The following RAB7A variants were observed in gnomAD, a reference collection of about 807,000 sequenced individuals.
RAB7A encodes RAB7A, member RAS oncogene family.
A neutral mutation model predicts 24.5 loss-of-function variants in RAB7A; 2 were observed. The observed-to-expected ratio is 0.08, with a 90% CI of 0.03 to 0.26. The LOEUF is 0.26. Among genes scored for constraint, RAB7A ranks in the 10% least tolerant of loss-of-function variants. The pLI, the probability that RAB7A is intolerant of heterozygous loss-of-function variation, is 1.00. For missense variants in RAB7A, 118 were observed against 255.7 expected (o/e 0.46, Z 3.67); for synonymous variants, 100 against 95.9 (o/e 1.04, Z -0.25).
At chr3:128,771,142 G>C (rs2107600787) in intron 1 of RAB7A, among the ~76,000 whole-genome samples, 1 of 152,166 alleles carries the variant, frequency 6.6e-6, no homozygotes, top group East Asian at 1.9e-4. Context: ...GCTAATTTTT[G>C]TATTTCTGGT....
At position 128,813,347 on chromosome 3, in the gene RAB7A, CA is replaced by C. The variant is rs1933967034; in HGVS notation, c.551del (p.Asn184ThrfsTer152). The C allele has an allele frequency of 6.2e-7, 1 of 1,614,068 alleles. No homozygotes were observed. Among genetic ancestry groups the C allele is most frequent in the African/African-American group, 1.3e-5 (1 of 74,938 alleles). On this transcript the variant is annotated frameshift_variant, in exon 6 of 6. Coordinates refer to ENST00000265062, the MANE Select transcript of RAB7A (RefSeq NM_004637.6). LOFTEE classifies it high-confidence loss of function. ...LKQETEVELYNEFPEPIKLDK... is the reference protein window; with the variant it reads ...LKQETEVELYXEFPEPIKLDK... ...TCCAGGAAACGGAGGTGGAGCTGTACAACGAATTTCCTGAACCTATCAAACT... is the reference window on the plus strand; with the variant it reads ...TCCAGGAAACGGAGGTGGAGCTGTACACGAATTTCCTGAACCTATCAAACT...
At chr3:128,805,646 T>G (rs976026124) in intron 3 of RAB7A, among the ~76,000 whole-genome samples, 4 of 152,246 alleles carry the variant, frequency 2.6e-5, no homozygotes, top group Non-Finnish European at 5.9e-5. Flanking sequence ...TTTTGTTGTT[T>G]AGGCAAACTT....
chr3:128,766,268 A>C (rs1487145245), intron 1 of RAB7A, among the ~76,000 whole-genome samples: 1 of 152,220 alleles, frequency 6.6e-6, no homozygotes. Context: ...GCAAAATTGC[A>C]TCTCTCCAGA....
chr3:128,733,480 G>C (rs1330691675), intron 1 of RAB7A, among the ~76,000 whole-genome samples: 1 of 152,198 alleles, frequency 6.6e-6, no homozygotes, highest in African/African-American at 2.4e-5. Context: ...TGCTAGGGCT[G>C]CCGTAACAAG....
intron 1 of RAB7A, among the ~76,000 whole-genome samples, chr3:128,774,005 T>C (rs1933019058): frequency 6.6e-6 from 1 of 150,806 alleles, no homozygotes; most frequent in Admixed American, 6.6e-5. Context: ...GTTTATGTGC[T>C]GACCTTCCCT....
intron 1 of RAB7A, among the ~76,000 whole-genome samples, chr3:128,728,491 T>G (rs776038530): frequency 1.3e-5 from 2 of 152,186 alleles, no homozygotes; most frequent in Non-Finnish European, 2.9e-5. Context: ...AGACGGAGTT[T>G]CCCTCTTGTT....
chr3:128,798,821 T>TAAAAAAAAAAA, intron 3 of RAB7A: 1 of 147,110 alleles, frequency 6.8e-6, no homozygotes, highest in Non-Finnish European at 1.2e-5. Flanking sequence ...TCTCTAAATT[T>TAAAAAAAAAAA]AAAAAAAAAA....
chr3:128,771,717 T>C (rs551795860), intron 1 of RAB7A, among the ~76,000 whole-genome samples: 1 of 152,358 alleles, frequency 6.6e-6, no homozygotes, highest in African/African-American at 2.4e-5. Context: ...TTTTTGCAAT[T>C]ACTTTTAAAG....
chr3:128,794,373 GA>G (rs1221032118), intron 1 of RAB7A, among the ~76,000 whole-genome samples: 4 of 152,202 alleles, frequency 2.6e-5, no homozygotes, highest in Non-Finnish European at 5.9e-5. Flanking sequence ...TTCCAACAGA[GA>G]AATTAAATGA....
intron 2 of RAB7A, among the ~76,000 whole-genome samples, chr3:128,797,515 C>G (rs920899987): frequency 6.6e-6 from 1 of 152,212 alleles, no homozygotes; most frequent in African/African-American, 2.4e-5. Context: ...CAAGGTCTTC[C>G]TCCTGGTGTT....
chr3:128,782,618 G>C (rs1256051315), intron 1 of RAB7A, among the ~76,000 whole-genome samples: 1 of 141,206 alleles, frequency 7.1e-6, no homozygotes, highest in African/African-American at 2.7e-5. Context: ...GTTGTCCATA[G>C]TAGGCTCTAG....
intron 1 of RAB7A, among the ~76,000 whole-genome samples, chr3:128,756,398 G>C (rs746961664): frequency 7.9e-5 from 12 of 151,808 alleles, no homozygotes; most frequent in Non-Finnish European, 1.6e-4. Flanking sequence ...ATCTGAAAAG[G>C]AAATTAAGAA....
chr3:128,759,114 A>G (rs2070756229), intron 1 of RAB7A, among the ~76,000 whole-genome samples: 1 of 152,230 alleles, frequency 6.6e-6, no homozygotes. Flanking sequence ...ATGTGCCATA[A>G]GCTGATAGGT....
At chr3:128,769,481 G>T (rs1227418917) in intron 1 of RAB7A, among the ~76,000 whole-genome samples, 1 of 151,988 alleles carries the variant, frequency 6.6e-6, no homozygotes, top group African/African-American at 2.4e-5. Context: ...TTATTGGGTT[G>T]GTTTTTTTCT....
At chr3:128,745,531 A>T (rs192566203) in intron 1 of RAB7A, among the ~76,000 whole-genome samples, 3 of 151,930 alleles carry the variant, frequency 2.0e-5, no homozygotes, top group Non-Finnish European at 4.4e-5. Flanking sequence ...ATGCCCAACT[A>T]ATTTTTGTAT....
In RAB7A at chr3:128,737,827, T is replaced by A. The variant is rs1361777244; in HGVS notation, c.-9+11468T>A. ...CCACATCTGGCTATTTTTTTGTAGT[T>A]TTTTTTTTTTTTTTTTTTTTTTTTT... On this transcript the variant is annotated intron_variant, in intron 1 of 5. Coordinates refer to ENST00000265062, the MANE Select transcript of RAB7A (RefSeq NM_004637.6). Among the ~76,000 whole-genome samples, 155 of 61,466 alleles carry A rather than the reference T, an allele frequency of 2.5e-3. 3 individuals are homozygous for A. The highest frequency in any genetic ancestry group is 0.011 in the African/African-American group (148 of 14,050). The allele number at this position is 61,466 out of a possible 152,430, so 40.3% of individuals were successfully genotyped here.
intron 1 of RAB7A, among the ~76,000 whole-genome samples, chr3:128,773,453 C>T (rs1482218022): frequency 6.9e-6 from 1 of 145,186 alleles, no homozygotes; most frequent in African/African-American, 2.5e-5. Context: ...GGCCAGCCGC[C>T]CCGTCCGGGA....
intron 1 of RAB7A, among the ~76,000 whole-genome samples, chr3:128,746,925 T>G (rs1165307417): frequency 6.6e-6 from 1 of 151,800 alleles, no homozygotes; most frequent in Non-Finnish European, 1.5e-5. Flanking sequence ...AACTTAATCA[T>G]TCCATATTGT....
intron 5 of RAB7A, among the ~76,000 whole-genome samples, chr3:128,809,086 C>T (rs1994312): frequency 0.039 from 5,939 of 152,192 alleles, 193 homozygotes; most frequent in African/African-American, 0.094. Flanking sequence ...AATGGAAATC[C>T]AAATATGTGT....
Sources: allele counts gnomAD v4.1 joint callset (sites outside exome capture counted in the v4.1 genomes callset), GRCh38; gene constraint gnomAD v4.1.1; transcripts MANE v1.5; gene names NCBI Gene and HGNC (gene_info 2026-07-23, HGNC 2026-07-21).